Variants in CREM observed in about 807,000 individuals in gnomAD.
The protein encoded by CREM is cAMP-responsive element modulator.
In CREM, 13 loss-of-function variants were observed where a neutral mutation model predicts 37.3. The ratio of observed to expected loss-of-function variants is 0.35; its 90% CI spans 0.23 to 0.55. The LOEUF (loss-of-function observed/expected upper bound fraction) is 0.55. Ranked by LOEUF, CREM falls within the 20% of genes least tolerant of loss-of-function variation. The probability of loss-of-function intolerance (pLI) is 0.88; values close to 1 mark genes in which losing one functional copy is unlikely to be tolerated. For missense variants in CREM, 296 were observed against 362.3 expected (o/e 0.82, Z 1.49); for synonymous variants, 124 against 120.2 (o/e 1.03, Z -0.21).
intron 3 of CREM, among the ~76,000 whole-genome samples, chr10:35,176,348 T>C (rs2094075931): frequency 6.6e-6 from 1 of 152,136 alleles, no homozygotes; most frequent in Non-Finnish European, 1.5e-5. Flanking sequence ...TCAGAGAAGA[T>C]GTGTGATAAA....
At chr10:35,203,141 A>G (rs753908001) in intron 6 of CREM, among the ~76,000 whole-genome samples, 1 of 151,798 alleles carries the variant, frequency 6.6e-6, no homozygotes, top group Non-Finnish European at 1.5e-5. Context: ...TGTAGCCTCA[A>G]CCTCCTGGGC....
chr10:35,127,152 T>A lies in CREM; in HGVS notation c.-96T>A, dbSNP rs2087917327. 6.6e-6 allele frequency: 1 copy of A among 152,634 alleles called. No individual in the cohort carries two copies. The highest frequency in any genetic ancestry group is 1.5e-5 in the Non-Finnish European group (1 of 68,070). The allele number at this position is 152,634 out of a possible 1,614,324, so 9.5% of individuals were successfully genotyped here. ...CGCCGTCTCCACCTCCTCGCGTCCG[T>A]AATCAGTGACGAGGTCCGCTACGTA... is the stretch of plus-strand genomic sequence containing the variant. On this transcript the variant is annotated 5_prime_UTR_variant, in exon 1 of 8. Transcript: ENST00000685392.
chr10:35,174,357 TATTA>T (rs1332145676), intron 3 of CREM, among the ~76,000 whole-genome samples: 3 of 152,224 alleles, frequency 2.0e-5, no homozygotes, highest in Non-Finnish European at 2.9e-5. Flanking sequence ...GTGCTAGTTT[TATTA>T]ATTCTATTTT....
chr10:35,156,223 G>A (rs1172802611), intron 3 of CREM, among the ~76,000 whole-genome samples: 1 of 151,034 alleles, frequency 6.6e-6, no homozygotes, highest in African/African-American at 2.4e-5. Flanking sequence ...ACAGGCGTGA[G>A]CCACAGTTCC....
chr10:35,197,826 GTAGCT>G (rs1399266419), intron 6 of CREM, among the ~76,000 whole-genome samples: 1 of 152,124 alleles, frequency 6.6e-6, no homozygotes, highest in Middle Eastern at 3.2e-3. Flanking sequence ...GTGTAGTAGA[GTAGCT>G]TTAGGAACCA....
chr10:35,202,593 A>G (rs1368449399), intron 6 of CREM, among the ~76,000 whole-genome samples: 1 of 152,172 alleles, frequency 6.6e-6, no homozygotes, highest in Non-Finnish European at 1.5e-5. Context: ...CTTTACTAAT[A>G]AGATTATATT....
chr10:35,202,887 A>G (rs755215987), intron 6 of CREM, among the ~76,000 whole-genome samples: 3 of 152,220 alleles, frequency 2.0e-5, no homozygotes, highest in Non-Finnish European at 2.9e-5. Flanking sequence ...TTTCTGAGCT[A>G]TCGCTCAAAA....
intron 2 of CREM, among the ~76,000 whole-genome samples, chr10:35,146,749 A>G (rs1326050168): frequency 6.6e-6 from 1 of 152,266 alleles, no homozygotes; most frequent in Non-Finnish European, 1.5e-5. Flanking sequence ...AAGTATTAAA[A>G]TAACTGTAGT....
intron 1 of CREM, among the ~76,000 whole-genome samples, chr10:35,135,776 AT>A (rs780487478): frequency 7.6e-4 from 115 of 151,864 alleles, no homozygotes; most frequent in Non-Finnish European, 1.3e-3. Context: ...GACAAAGAAG[AT>A]AGAACAAAAG....
intron 6 of CREM, chr10:35,201,461 T>A: frequency 6.4e-7 from 1 of 1,551,676 alleles, no homozygotes; most frequent in Non-Finnish European, 8.7e-7. Context: ...ATGAGGAAAC[T>A]GAACTTGCCC....
intron 2 of CREM, among the ~76,000 whole-genome samples, chr10:35,144,162 G>A (rs775277612): frequency 1.3e-5 from 2 of 152,166 alleles, no homozygotes; most frequent in Admixed American, 1.3e-4. Flanking sequence ...TGTGGTGATG[G>A]GAGGTTACAG....
intron 5 of CREM, among the ~76,000 whole-genome samples, chr10:35,186,968 TTA>T (rs2094592893): frequency 1.1e-5 from 1 of 94,292 alleles, no homozygotes; most frequent in South Asian, 2.7e-4. Context: ...AATATATAAT[TTA>T]TATATTATAT....
intron 6 of CREM, chr10:35,196,207 CCA>C: frequency 8.8e-7 from 1 of 1,130,928 alleles, no homozygotes; most frequent in Non-Finnish European, 1.3e-6. Flanking sequence ...TCCTCTTACT[CCA>C]TCTATAGGAA....
intron 7 of CREM, chr10:35,210,866 A>G (rs2095649927): frequency 6.3e-6 from 1 of 157,770 alleles, no homozygotes; most frequent in South Asian, 2.0e-4. Flanking sequence ...AAATTAACTC[A>G]TTATGTCGGA....
chr10:35,189,837 G>A (rs951641935), intron 6 of CREM, among the ~76,000 whole-genome samples: 19 of 152,160 alleles, frequency 1.2e-4, no homozygotes, highest in African/African-American at 4.1e-4. Flanking sequence ...ATTTTAGTTC[G>A]AATGTCTTGC....
intron 3 of CREM, among the ~76,000 whole-genome samples, chr10:35,161,258 T>C (rs550932766): frequency 6.6e-6 from 1 of 151,962 alleles, no homozygotes; most frequent in African/African-American, 2.4e-5. Flanking sequence ...TGCCTCAGCC[T>C]CCCGAGTATG....
At chr10:35,145,930 T>G (rs1345536128) in intron 2 of CREM, among the ~76,000 whole-genome samples, 1 of 152,208 alleles carries the variant, frequency 6.6e-6, no homozygotes, top group Non-Finnish European at 1.5e-5. Context: ...TTCACTAGGT[T>G]TGGGGTTGAG....
At chr10:35,130,234 ATG>A (rs1338935760) in intron 1 of CREM, among the ~76,000 whole-genome samples, 1 of 151,670 alleles carries the variant, frequency 6.6e-6, no homozygotes, top group Non-Finnish European at 1.5e-5. Context: ...TTTTGGAAAA[ATG>A]TATCTCATTA....
At chr10:35,188,941 T>C (rs1484489703) in intron 6 of CREM, among the ~76,000 whole-genome samples, 1 of 152,190 alleles carries the variant, frequency 6.6e-6, no homozygotes, top group African/African-American at 2.4e-5. Flanking sequence ...CCTAAAGTGC[T>C]GGGATTACAG....
Sources: allele counts gnomAD v4.1 joint callset (sites outside exome capture counted in the v4.1 genomes callset), GRCh38; gene constraint gnomAD v4.1.1; transcripts MANE v1.5; gene names NCBI Gene and HGNC (gene_info 2026-07-23, HGNC 2026-07-21).